The following TEAD1 variants were observed in gnomAD, a reference collection of about 807,000 sequenced individuals.
TEAD1 encodes TEA domain transcription factor 1.
Under a neutral mutation model 54.9 loss-of-function variants are expected in TEAD1, and 9 were observed. The ratio of observed to expected loss-of-function variants is 0.16; its 90% CI spans 0.10 to 0.29. The LOEUF is 0.29. Among genes scored for constraint, TEAD1 ranks in the 10% least tolerant of loss-of-function variants. TEAD1 has a pLI of 1.00. For synonymous variants in TEAD1, 200 were observed against 187.8 expected (o/e 1.07, Z -0.53); for missense variants, 387 against 535.9 (o/e 0.72, Z 2.74).
intron 3 of TEAD1, among the ~76,000 whole-genome samples, chr11:12,798,743 A>G (rs1055874952): frequency 1.3e-5 from 2 of 152,250 alleles, no homozygotes; most frequent in East Asian, 1.9e-4. Context: ...CTTTCCTTCC[A>G]TGGTACAAAT....
At chr11:12,803,360 C>T (rs1946103112) in intron 3 of TEAD1, among the ~76,000 whole-genome samples, 2 of 152,196 alleles carry the variant, frequency 1.3e-5, no homozygotes, top group Admixed American at 1.3e-4. Context: ...GTGAATTAGT[C>T]AGAGCAGCTT....
chr11:12,807,064 T>C (rs1946187650), intron 3 of TEAD1, among the ~76,000 whole-genome samples: 1 of 152,110 alleles, frequency 6.6e-6, no homozygotes, highest in East Asian at 1.9e-4. Flanking sequence ...GATGTGAAAA[T>C]ACAGAGCATC....
At position 12,856,145 on chromosome 11, in the gene TEAD1, T is replaced by TTA. The variant is rs1554942597; in HGVS notation, c.203-6105_203-6104insTA. ...TATCTTCTTCCTTTTTTTTTTTTTT[T>TTA]AACTTTATGTTCATGATCTGGTGCC... On this transcript the variant is annotated intron_variant, in intron 3 of 12. Transcript: ENST00000527636. Among the ~76,000 whole-genome samples, 736 of 150,068 alleles carry TTA rather than the reference T, an allele frequency of 4.9e-3. 8 individuals are homozygous for TTA. Among genetic ancestry groups the TTA allele is most frequent in the African/African-American group, 0.017 (695 of 40,258 alleles).
intron 5 of TEAD1, chr11:12,865,418 T>C (rs1279059240): frequency 1.9e-5 from 3 of 161,302 alleles, no homozygotes; most frequent in African/African-American, 7.2e-5. Context: ...GTCTTTTTCA[T>C]GCATGTCTCT....
chr11:12,684,966 G>A (rs538185153), intron 2 of TEAD1, among the ~76,000 whole-genome samples: 1 of 152,310 alleles, frequency 6.6e-6, no homozygotes, highest in South Asian at 2.1e-4. Flanking sequence ...GTTCCTTCTG[G>A]AAGCTGGTGA....
intron 3 of TEAD1, among the ~76,000 whole-genome samples, chr11:12,774,830 A>G (rs1166659597): frequency 6.6e-6 from 1 of 152,188 alleles, no homozygotes; most frequent in Non-Finnish European, 1.5e-5. Flanking sequence ...AGGAGAACAC[A>G]TGGACACCGA....
intron 2 of TEAD1, among the ~76,000 whole-genome samples, chr11:12,704,020 C>T (rs1420652962): frequency 1.3e-5 from 2 of 152,148 alleles, no homozygotes; most frequent in Non-Finnish European, 2.9e-5. Context: ...GATTTTAGAA[C>T]ATGGAAAAAG....
rs187076276 is a variant in TEAD1 at position 12,720,016 on chromosome 11, G to C, written c.-54-44163G>C. On this transcript the variant is annotated intron_variant, in intron 2 of 12. Transcript: ENST00000527636. Reference sequence around the variant, plus strand: ...TTTTGGGGGGGGACCCAGCCATGCTGTGTCTTGTAGATCTCATAGCCAGTA... The same window carrying C: ...TTTTGGGGGGGGACCCAGCCATGCTCTGTCTTGTAGATCTCATAGCCAGTA... Among the ~76,000 whole-genome samples the C allele has an allele frequency of 2.6e-4, 27 of 104,394 alleles. No homozygotes were observed. The East Asian group carries it at 7.4e-3, about 28-fold the overall frequency. The allele number at this position is 104,394 out of a possible 152,430, so 68.5% of individuals were successfully genotyped here.
Position 12,845,659 on chromosome 11 carries a change from C to G in TEAD1, c.203-16591C>G, listed in dbSNP as rs60080838. ...CTAAGGGTTTATTAAGTGTGGAAACCGTACTGTTGTTGTAAAACAGTTTTC... is the reference window on the plus strand; with the variant it reads ...CTAAGGGTTTATTAAGTGTGGAAACGGTACTGTTGTTGTAAAACAGTTTTC... On this transcript the variant is annotated intron_variant, in intron 3 of 12. Coordinates refer to ENST00000527636, the MANE Select transcript of TEAD1 (RefSeq NM_021961.6). Among the ~76,000 whole-genome samples the G allele has an allele frequency of 4.2e-3, 639 of 152,298 alleles. 7 individuals carry two copies. The highest frequency in any genetic ancestry group is 0.014 in the African/African-American group (588 of 41,568).
intron 10 of TEAD1, among the ~76,000 whole-genome samples, chr11:12,909,672 T>C (rs1185372349): frequency 1.3e-5 from 2 of 152,114 alleles, no homozygotes; most frequent in Admixed American, 1.3e-4. Flanking sequence ...AAGCATCTTC[T>C]CCACCCCTAG....
chr11:12,916,515 A>G (rs1261098812), intron 10 of TEAD1, among the ~76,000 whole-genome samples: 1 of 152,230 alleles, frequency 6.6e-6, no homozygotes, highest in African/African-American at 2.4e-5. Context: ...GGTATTGTTA[A>G]TGACTGTGAA....
intron 3 of TEAD1, among the ~76,000 whole-genome samples, chr11:12,842,066 A>AAAAAC (rs200649965): frequency 1.1e-4 from 16 of 152,290 alleles, no homozygotes; most frequent in South Asian, 2.1e-4. Flanking sequence ...AGCAGAGGAA[A>AAAAAC]AAAACAAAAC....
intron 3 of TEAD1, among the ~76,000 whole-genome samples, chr11:12,824,187 C>T (rs1026892134): frequency 6.6e-6 from 1 of 152,202 alleles, no homozygotes; most frequent in South Asian, 2.1e-4. Flanking sequence ...TACTCCTCCA[C>T]TCATCCTTCC....
At chr11:12,882,138 A>C (rs1355501085) in intron 8 of TEAD1, among the ~76,000 whole-genome samples, 181 bp downstream of exon 8, 2 of 152,210 alleles carry the variant, frequency 1.3e-5, no homozygotes, top group African/African-American at 4.8e-5. Context: ...GATTCCCATC[A>C]GTCATCTCCC....
intron 3 of TEAD1, among the ~76,000 whole-genome samples, chr11:12,797,856 T>A (rs1377875567): frequency 6.6e-6 from 1 of 152,136 alleles, no homozygotes; most frequent in Non-Finnish European, 1.5e-5. Flanking sequence ...TGAAACCTCC[T>A]ATTTGATTTA....
At chr11:12,737,567 C>T (rs1227366858) in intron 2 of TEAD1, among the ~76,000 whole-genome samples, 1 of 152,136 alleles carries the variant, frequency 6.6e-6, no homozygotes, top group Non-Finnish European at 1.5e-5. Context: ...AAATTTAAGT[C>T]ATGTTGGCAG....
intron 3 of TEAD1, among the ~76,000 whole-genome samples, chr11:12,838,139 T>TA (rs926478081): frequency 6.6e-6 from 1 of 152,166 alleles, no homozygotes; most frequent in Admixed American, 6.5e-5. Flanking sequence ...CTTAATGACT[T>TA]ACAACACATC....
At chr11:12,694,080 G>A (rs979701485) in intron 2 of TEAD1, among the ~76,000 whole-genome samples, 7 of 152,208 alleles carry the variant, frequency 4.6e-5, no homozygotes, top group South Asian at 4.1e-4. Context: ...TGTGCGGCCC[G>A]GCACAACTCA....
At chr11:12,829,424 G>A (rs1831951754) in intron 3 of TEAD1, among the ~76,000 whole-genome samples, 1 of 152,174 alleles carries the variant, frequency 6.6e-6, no homozygotes. Flanking sequence ...ATGCCTCGGA[G>A]CAACTGGTTT....
Sources: gnomAD v4.1 joint callset for allele counts (sites outside exome capture counted in the v4.1 genomes callset) on GRCh38, gnomAD v4.1.1 for gene constraint, MANE v1.5 for transcripts, NCBI Gene and HGNC (gene_info 2026-07-23, HGNC 2026-07-21) for gene names.